MGST1: variants seen among roughly 807,000 people sequenced by gnomAD.
MGST1 encodes glutathione S-transferase 12.
In MGST1, 5 loss-of-function variants were observed where a neutral mutation model predicts 8.9. The ratio of observed to expected loss-of-function variants is 0.56; its 90% CI spans 0.29 to 1.19. The LOEUF is 1.19. MGST1 is among the 50% of genes most tolerant of loss of function. The probability of loss-of-function intolerance (pLI) is 0.08; values close to 1 mark genes in which losing one functional copy is unlikely to be tolerated. For synonymous variants in MGST1, 54 were observed against 67.8 expected (o/e 0.80, Z 1.00); for missense variants, 182 against 187.4 (o/e 0.97, Z 0.17).
chr12:16,377,264 C>A (rs1029077059), downstream of MGST1: 1 of 150,638 alleles, frequency 6.6e-6, no homozygotes, highest in African/African-American at 2.4e-5. Context: ...TCATTTAGCA[C>A]TAGGTATATC....
Position 16,500,722 on chromosome 12 carries a change from T to C in MGST1, n.483-88806T>C, listed in dbSNP as rs750976073. ...TATATGTGACTGATTGTGAAAGTCATCATTATCTATTAAATATTACTATCA... is the reference window on the plus strand; with the variant it reads ...TATATGTGACTGATTGTGAAAGTCACCATTATCTATTAAATATTACTATCA... On this transcript the variant is annotated intron_variant and non_coding_transcript_variant, in intron 4 of 4. Coordinates refer to the MGST1 transcript ENST00000538857. The surrounding 1 kb of genome is among the most constrained non-coding windows in gnomAD (Gnocchi z 4.3). Among the ~76,000 whole-genome samples the C allele has an allele frequency of 1.3e-5, 2 of 151,858 alleles. No individual in the cohort carries two copies. Among genetic ancestry groups the C allele is most frequent in the Non-Finnish European group, 2.9e-5 (2 of 67,954 alleles).
At chr12:16,432,731 C>CACACACACACAGAGAGAG (rs775306657) in intron 1 of MGST1, among the ~76,000 whole-genome samples, 54 of 132,752 alleles carry the variant, frequency 4.1e-4, no homozygotes, top group Admixed American at 1.1e-3. Context: ...CACACACACA[C>CACACACACACAGAGAGAG]AGAGAGAGAG....
At chr12:16,557,342 T>C (rs1942228391) in intron 4 of MGST1, among the ~76,000 whole-genome samples, 1 of 150,204 alleles carries the variant, frequency 6.7e-6, no homozygotes. Flanking sequence ...TGAAATACTA[T>C]CTTTCATCCC....
chr12:16,575,868 A>G (rs1942978254), intron 4 of MGST1, among the ~76,000 whole-genome samples: 3 of 152,046 alleles, frequency 2.0e-5, no homozygotes, highest in African/African-American at 7.2e-5. Flanking sequence ...TCCCTACGTG[A>G]CATCCTTCTC....
intron 4 of MGST1, among the ~76,000 whole-genome samples, chr12:16,564,207 G>T (rs951567099): frequency 7.2e-5 from 11 of 152,062 alleles, no homozygotes; most frequent in Non-Finnish European, 1.5e-4. Context: ...TTTCTTAGGG[G>T]TAAGAACACG....
intron 4 of MGST1, among the ~76,000 whole-genome samples, chr12:16,531,103 A>C (rs1941719897): frequency 6.8e-6 from 1 of 147,122 alleles, no homozygotes; most frequent in South Asian, 2.2e-4. Flanking sequence ...GTTGCAGCAC[A>C]TGTGTTCATC....
intron 4 of MGST1, among the ~76,000 whole-genome samples, chr12:16,502,388 C>T (rs138161369): frequency 2.0e-5 from 3 of 152,270 alleles, no homozygotes; most frequent in African/African-American, 4.8e-5. Context: ...TTATACTCTT[C>T]GCTTAAATTC....
At chr12:16,412,178 G>A (rs1305627341) in intron 1 of MGST1, among the ~76,000 whole-genome samples, 2 of 152,170 alleles carry the variant, frequency 1.3e-5, no homozygotes, top group Non-Finnish European at 2.9e-5. Context: ...CACGCTTGAA[G>A]TCAGAAGACT....
intron 4 of MGST1, among the ~76,000 whole-genome samples, chr12:16,492,816 T>G (rs1365307849): frequency 1.3e-5 from 2 of 152,188 alleles, no homozygotes; most frequent in Non-Finnish European, 2.9e-5. Flanking sequence ...AGACATAATT[T>G]GGCCCAGGGG....
chr12:16,398,803 G>A (rs968549994), intron 1 of MGST1, among the ~76,000 whole-genome samples: 1 of 152,212 alleles, frequency 6.6e-6, no homozygotes, highest in Admixed American at 6.5e-5. Flanking sequence ...AGAACCTTGA[G>A]TATTGCAAAG....
At chr12:16,526,460 T>C (rs1229724396) in intron 4 of MGST1, among the ~76,000 whole-genome samples, 2 of 151,982 alleles carry the variant, frequency 1.3e-5, no homozygotes, top group Non-Finnish European at 2.9e-5. Flanking sequence ...ATTATCTTAT[T>C]ATCTCACTGA....
At chr12:16,382,521 G>A (rs150754684), upstream of MGST1, among the ~76,000 whole-genome samples, 187 of 152,218 alleles carry the variant, frequency 1.2e-3, 2 homozygotes, top group East Asian at 0.031. Context: ...AGGAGTACCC[G>A]GCCGTGTGAG....
Position 16,413,769 on chromosome 12 carries a change from T to C in MGST1, n.779-23619T>C, listed in dbSNP as rs992495280. Among the ~76,000 whole-genome samples the C allele has an allele frequency of 6.6e-6, 1 of 152,216 alleles. No homozygotes were observed. Among genetic ancestry groups the C allele is most frequent in the Non-Finnish European group, 1.5e-5 (1 of 68,032 alleles). On this transcript the variant is annotated intron_variant and non_coding_transcript_variant, in intron 1 of 1. Transcript: ENST00000359720. This position sits in a 1 kb window ranked among gnomAD's most constrained non-coding sequence, Gnocchi z 4.0. ...CTGCCAGTATTTGTTTACATTTGTT[T>C]CCACTTCTAGACTATGCAATTAATA...
chr12:16,415,813 G>A (rs1483331916), intron 1 of MGST1, among the ~76,000 whole-genome samples: 1 of 152,084 alleles, frequency 6.6e-6, no homozygotes, highest in Non-Finnish European at 1.5e-5. Context: ...GTTTTTCAAA[G>A]ATCTACTGTA....
At chr12:16,542,051 C>T (rs1054672274) in intron 4 of MGST1, among the ~76,000 whole-genome samples, 2 of 152,142 alleles carry the variant, frequency 1.3e-5, no homozygotes, top group Non-Finnish European at 2.9e-5. Flanking sequence ...TTCTCTTGGT[C>T]ATCTGTGCTT....
chr12:16,426,990 T>C (rs1180577699), intron 1 of MGST1, among the ~76,000 whole-genome samples: 1 of 146,438 alleles, frequency 6.8e-6, no homozygotes, highest in East Asian at 2.0e-4. Context: ...AAAAAAAAGC[T>C]GAACAAAACA....
At chr12:16,367,819 T>C (rs535630067), downstream of MGST1, among the ~76,000 whole-genome samples, 17 of 148,242 alleles carry the variant, frequency 1.1e-4, no homozygotes, top group African/African-American at 3.8e-4. Flanking sequence ...GACTCTGCAA[T>C]TGGGACTAGC....
At position 16,517,600 on chromosome 12, in the gene MGST1, G is replaced by T. The variant is rs532842233; in HGVS notation, n.483-71928G>T. Reference sequence around the variant, plus strand: ...AGACAGCAGGTATCAGTAATATTTTGTTATAGTAGCACAAAATGAACCAAG... The same window carrying T: ...AGACAGCAGGTATCAGTAATATTTTTTTATAGTAGCACAAAATGAACCAAG... On this transcript the variant is annotated intron_variant and non_coding_transcript_variant, in intron 4 of 4. Coordinates refer to the MGST1 transcript ENST00000538857. The surrounding 1 kb of genome is among the most constrained non-coding windows in gnomAD (Gnocchi z 4.2). Among the ~76,000 whole-genome samples the T allele has an allele frequency of 6.6e-6, 1 of 152,264 alleles. No homozygotes were observed. The highest frequency in any genetic ancestry group is 1.9e-4 in the East Asian group (1 of 5,172).
Position 16,556,199 on chromosome 12 carries a change from C to T in MGST1, n.483-33329C>T, listed in dbSNP as rs566797947. On this transcript the variant is annotated intron_variant and non_coding_transcript_variant, in intron 4 of 4. Transcript: ENST00000538857. ...ATTTTTCCTTTTCTTACAAAACTAT[C>T]ATTTAGTTTTATTGTGTTTTCTAAG... is the stretch of plus-strand genomic sequence containing the variant. Among the ~76,000 whole-genome samples the T allele has an allele frequency of 3.9e-5, 6 of 152,190 alleles. No homozygotes were observed. The South Asian group carries it at 1.2e-3, about 32-fold the overall frequency.
Sources: allele counts gnomAD v4.1 joint callset (sites outside exome capture counted in the v4.1 genomes callset), GRCh38; gene constraint gnomAD v4.1.1; non-coding constraint Gnocchi (gnomAD v3.1); transcripts MANE v1.5; gene names NCBI Gene and HGNC (gene_info 2026-07-23, HGNC 2026-07-21).